USP20: variants seen among roughly 807,000 people sequenced by gnomAD.
USP20 encodes ubiquitin specific peptidase 20.
A neutral mutation model predicts 124.2 loss-of-function variants in USP20; 80 were observed. That is an observed-to-expected ratio of 0.64 (90% confidence interval 0.54 to 0.78). The LOEUF is 0.78. USP20 is among the 30% of genes least tolerant of loss of function. The pLI is 0.00. For synonymous variants in USP20, 481 were observed against 512.3 expected (o/e 0.94, Z 0.83); for missense variants, 1,043 against 1,244.4 (o/e 0.84, Z 2.44).
chr9:129,875,431 G>T lies in USP20; in HGVS notation c.2170G>T (p.Ala724Ser), dbSNP rs184522208. The change falls in exon 20 of 26, where the codon GCG becomes TCG. Residue 724 changes from alanine to serine, a missense_variant. Transcript: ENST00000372429. ...REWLNKFNTF[A>S]EPGPITNQTF... ...GTGGCTCAACAAGTTCAACACCTTC[G>T]CGGAGCCAGGCCCCATCACCAACCA... 9.9e-6 allele frequency: 16 copies of T among 1,613,670 alleles called. No homozygotes were observed. In the South Asian group the frequency reaches 1.6e-4, roughly 17 times the overall value.
At chr9:129,858,713 T>C in intron 6 of USP20, 115 bp downstream of exon 6, 1 of 1,422,972 alleles carries the variant, frequency 7.0e-7, no homozygotes, top group South Asian at 1.4e-5. Context: ...TGTCTGTTTC[T>C]GGGTCAGTAT....
intron 22 of USP20, among the ~76,000 whole-genome samples, chr9:129,877,046 G>A: frequency 6.6e-6 from 1 of 152,160 alleles, no homozygotes; most frequent in Non-Finnish European, 1.5e-5. Context: ...GTGCAAACCA[G>A]GACTCAAGTG....
Position 129,875,433 on chromosome 9 carries a change from G to A in USP20, c.2172G>A (p.Ala724=), listed in dbSNP as rs735115. The A allele has an allele frequency of 0.35, 558,369 of 1,613,216 alleles. 101,869 individuals carry two copies. Among genetic ancestry groups the A allele is most frequent in the Non-Finnish European group, 0.38 (445,220 of 1,179,690 alleles). The part of the protein sequence containing the change: ...REWLNKFNTF[A]EPGPITNQTF... The stretch of plus-strand genomic sequence containing the variant: ...GGCTCAACAAGTTCAACACCTTCGC[G>A]GAGCCAGGCCCCATCACCAACCAGA... Residue 724 remains alanine, a synonymous_variant, in exon 20 of 26, where the codon GCG becomes GCA. Transcript: ENST00000372429.
At chr9:129,856,469 A>G in intron 4 of USP20, 109 bp downstream of exon 4, 2 of 1,301,274 alleles carry the variant, frequency 1.5e-6, no homozygotes, top group Non-Finnish European at 1.1e-6. Context: ...TTCCATCCCT[A>G]GTGGGCACTG....
chr9:129,867,508 T>C (rs2417157), intron 10 of USP20, among the ~76,000 whole-genome samples: 62,187 of 151,796 alleles, frequency 0.41, 12,975 homozygotes, highest in Non-Finnish European at 0.46. Flanking sequence ...GGGTAGAGCA[T>C]GCAGGCAGTC....
Position 129,879,655 on chromosome 9 carries a change from C to T in USP20, c.2584+11C>T, listed in dbSNP as rs760465970. ...TCCAGCTGAAGCAGGGTGAGTTCCCCCTGGGGTCAGCCAGGCTCCTCTCTG... is the reference window on the plus strand; with the variant it reads ...TCCAGCTGAAGCAGGGTGAGTTCCCTCTGGGGTCAGCCAGGCTCCTCTCTG... On this transcript the variant is annotated intron_variant, in intron 24 of 25. Transcript: ENST00000372429. This position sits in a 1 kb window ranked among gnomAD's most constrained non-coding sequence, Gnocchi z 4.2. The T allele has an allele frequency of 1.9e-6, 3 of 1,613,750 alleles. No individual in the cohort carries two copies. The highest frequency in any genetic ancestry group is 1.3e-5 in the African/African-American group (1 of 74,912).
At chr9:129,854,282 T>C (rs777784130) in intron 3 of USP20, among the ~76,000 whole-genome samples, 2 of 152,174 alleles carry the variant, frequency 1.3e-5, no homozygotes, top group East Asian at 1.9e-4. Flanking sequence ...TCACCAGTTA[T>C]AAACATATGA....
chr9:129,858,300 GCAGCCC>G (rs5900868), intron 5 of USP20, among the ~76,000 whole-genome samples, 161 bp from the exon 6 acceptor site: 131,100 of 151,788 alleles, frequency 0.86, 56,975 homozygotes, highest in East Asian at 0.98. Flanking sequence ...TTGATAAGCA[GCAGCCC>G]TCAGGGTCCT....
intron 9 of USP20, among the ~76,000 whole-genome samples, chr9:129,864,469 C>A (rs1417578139): frequency 2.2e-4 from 26 of 116,802 alleles, no homozygotes; most frequent in African/African-American, 4.6e-4. Flanking sequence ...GACCCTGTCT[C>A]AAAAAAAAAA....
rs1432203121 is a variant in USP20, at chr9:129,879,420, A to AC, written c.2513-152dup. Reference sequence around the variant, plus strand: ...CCCTCTGCTGGGTCCTCAGACTGCCACAGAGGAGCATTGGGTGGCTCAGGC... The same window carrying AC: ...CCCTCTGCTGGGTCCTCAGACTGCCACCAGAGGAGCATTGGGTGGCTCAGGC... On this transcript the variant is annotated intron_variant, in intron 23 of 25. Coordinates refer to ENST00000372429, the MANE Select transcript of USP20 (RefSeq NM_001110303.4). This position sits in a 1 kb window ranked among gnomAD's most constrained non-coding sequence, Gnocchi z 4.2. The AC allele has an allele frequency of 1.4e-6, 1 of 691,874 alleles. No individual in the cohort carries two copies. The highest frequency in any genetic ancestry group is 2.5e-6 in the Non-Finnish European group (1 of 395,192). The allele number at this position is 691,874 out of a possible 1,614,324, so 42.9% of individuals were successfully genotyped here. A position where few individuals can be genotyped will look rare whatever the true frequency, so the allele number is the denominator to read the frequency against.
intron 1 of USP20, 35 bp from the exon 2 acceptor site, chr9:129,849,778 C>T (rs2032795779): frequency 1.3e-5 from 2 of 152,386 alleles, no homozygotes; most frequent in Non-Finnish European, 2.9e-5. Context: ...GTAATAATAA[C>T]AGAACTGTGT....
chr9:129,876,638 CAA>C (rs5900872), intron 22 of USP20, among the ~76,000 whole-genome samples: 2,129 of 126,706 alleles, frequency 0.017, 18 homozygotes, highest in Middle Eastern at 0.025. Context: ...GACTCCATCT[CAA>C]AAAAAAAAAA....
Position 129,863,179 on chromosome 9 carries a change from C to T in USP20, c.498-7C>T. On this transcript the variant is annotated splice_region_variant and splice_polypyrimidine_tract_variant and intron_variant, in intron 8 of 25. Transcript: ENST00000372429. ...TCCTGACCTGGCTCTCTCTCCCCTG[C>T]ACCCAGCCCGCCGCTGACTCAGTTC... 2 of 1,526,778 alleles carry T rather than the reference C, an allele frequency of 1.3e-6. No individual in the cohort carries two copies. The highest frequency in any genetic ancestry group is 2.4e-5 in the South Asian group (2 of 82,540). 94.6% of individuals were successfully genotyped at this position (1,526,778 alleles called of 1,614,324 possible). A position where few individuals can be genotyped will look rare whatever the true frequency, so the allele number is the denominator to read the frequency against.
At chr9:129,861,066 G>A in intron 7 of USP20, 33 bp downstream of exon 7, 1 of 1,603,102 alleles carries the variant, frequency 6.2e-7, no homozygotes, top group Non-Finnish European at 8.5e-7. Context: ...AAGCTGATGG[G>A]CTGGGCTGGG....
chr9:129,873,560 G>T (rs376760163), intron 16 of USP20, 45 bp downstream of exon 16: 1 of 1,613,876 alleles, frequency 6.2e-7, no homozygotes, highest in African/African-American at 1.3e-5. Flanking sequence ...CCGTTTCTGT[G>T]CCCTACATAT....
chr9:129,859,284 A>ATTTTATTTTATTTATTTT (rs1554746154), intron 6 of USP20, among the ~76,000 whole-genome samples: 2 of 137,888 alleles, frequency 1.5e-5, no homozygotes, highest in South Asian at 2.4e-4. Flanking sequence ...ATTTTATTTT[A>ATTTTATTTTATTTATTTT]ATTTTTTGAG....
intron 17 of USP20, 128 bp downstream of exon 17, chr9:129,873,872 T>C: frequency 8.7e-7 from 1 of 1,149,278 alleles, no homozygotes; most frequent in East Asian, 2.4e-5. Flanking sequence ...GGAGACTCCA[T>C]AGCTTTGGCT....
At chr9:129,847,547 C>G (rs551232512) in intron 1 of USP20, among the ~76,000 whole-genome samples, 1 of 152,002 alleles carries the variant, frequency 6.6e-6, no homozygotes, top group East Asian at 1.9e-4. Flanking sequence ...ATGATCCGCC[C>G]GCCTCAGCCT....
At chr9:129,871,700 G>C (rs2034136269) in intron 15 of USP20, among the ~76,000 whole-genome samples, 1 of 152,104 alleles carries the variant, frequency 6.6e-6, no homozygotes, top group African/African-American at 2.4e-5. Context: ...GTATCTCATT[G>C]TGCGTTTTTT....
Sources: gnomAD v4.1 joint callset for allele counts (sites outside exome capture counted in the v4.1 genomes callset) on GRCh38, gnomAD v4.1.1 for gene constraint, Gnocchi (gnomAD v3.1) non-coding constraint, MANE v1.5 for transcripts, NCBI Gene and HGNC (gene_info 2026-07-23, HGNC 2026-07-21) for gene names.